Variants in DTNA observed in about 807,000 individuals in gnomAD.
The protein encoded by DTNA is dystrobrevin alpha.
Under a neutral mutation model 100.7 loss-of-function variants are expected in DTNA, and 43 were observed. The observed-to-expected ratio is 0.43, with a 90% CI of 0.33 to 0.55. The LOEUF (loss-of-function observed/expected upper bound fraction) is 0.55, where lower values mean the gene tolerates loss of function less well. DTNA is among the 20% of genes least tolerant of loss of function. DTNA has a pLI of 0.04. For missense variants in DTNA, 798 were observed against 953.9 expected (o/e 0.84, Z 2.15); for synonymous variants, 349 against 347.9 (o/e 1.00, Z -0.04).
At chr18:34,729,658 A>G (rs2087607489) in intron 1 of DTNA, among the ~76,000 whole-genome samples, 1 of 152,210 alleles carries the variant, frequency 6.6e-6, no homozygotes, top group Non-Finnish European at 1.5e-5. Context: ...GGCACATTCC[A>G]TATTGGGCAT....
intron 2 of DTNA, among the ~76,000 whole-genome samples, chr18:34,764,657 G>A (rs1264855951): frequency 1.4e-4 from 22 of 152,224 alleles, no homozygotes; most frequent in Admixed American, 1.4e-3. Flanking sequence ...TTGAAGAAAT[G>A]CTAAATCCCC....
chr18:34,519,048 T>C (rs1472028162), intron 1 of DTNA, among the ~76,000 whole-genome samples: 1 of 151,932 alleles, frequency 6.6e-6, no homozygotes, highest in East Asian at 1.9e-4. Context: ...AGAGAATGGT[T>C]TAGTGAGAAG....
intron 1 of DTNA, among the ~76,000 whole-genome samples, chr18:34,607,030 A>T (rs1203505412): frequency 6.6e-6 from 1 of 152,218 alleles, no homozygotes; most frequent in African/African-American, 2.4e-5. Flanking sequence ...GACTGAAGCC[A>T]TAGCTCAAAA....
At chr18:34,507,026 G>A (rs1353864672) in intron 1 of DTNA, among the ~76,000 whole-genome samples, 19 of 152,274 alleles carry the variant, frequency 1.2e-4, no homozygotes, top group Admixed American at 1.2e-3. Flanking sequence ...ACAGTTGACA[G>A]GTAAGTGGGA....
chr18:34,781,568 A>G (rs1350393949), intron 3 of DTNA, among the ~76,000 whole-genome samples: 1 of 152,082 alleles, frequency 6.6e-6, no homozygotes, highest in Non-Finnish European at 1.5e-5. Flanking sequence ...GACCTCACTC[A>G]AGATACCTAT....
chr18:34,597,497 GC>G (rs1370097663), intron 1 of DTNA, among the ~76,000 whole-genome samples: 30 of 152,176 alleles, frequency 2.0e-4, no homozygotes, highest in Admixed American at 1.7e-3. Flanking sequence ...ATACACACTT[GC>G]TGAAACCAAC....
upstream of DTNA, among the ~76,000 whole-genome samples, chr18:34,708,822 T>C (rs1378677118): frequency 6.6e-6 from 1 of 152,228 alleles, no homozygotes; most frequent in Non-Finnish European, 1.5e-5. Context: ...TTTAGTATGC[T>C]TCAAGCTTGG....
At chr18:34,789,336 A>G (rs1481938590) in intron 3 of DTNA, among the ~76,000 whole-genome samples, 1 of 152,218 alleles carries the variant, frequency 6.6e-6, no homozygotes, top group Non-Finnish European at 1.5e-5. Context: ...CAGAAATGAC[A>G]TTTTTAAGCT....
chr18:34,630,369 C>A, intron 1 of DTNA, among the ~76,000 whole-genome samples: 1 of 152,270 alleles, frequency 6.6e-6, no homozygotes, highest in Non-Finnish European at 1.5e-5. Context: ...ATAACTGATA[C>A]TAACTCTAAG....
chr18:34,887,775 A>G lies in DTNA; in HGVS notation c.*41A>G. 1 of 985,644 alleles carries G rather than the reference A, an allele frequency of 1.0e-6. No individual in the cohort carries two copies. The highest frequency in any genetic ancestry group is 1.2e-6 in the Non-Finnish European group (1 of 829,944). 61.1% of individuals were successfully genotyped at this position (985,644 alleles called of 1,614,324 possible). On this transcript the variant is annotated 3_prime_UTR_variant, in exon 23 of 23. Transcript: ENST00000444659. The stretch of plus-strand genomic sequence containing the variant: ...CATTCCTTATTCCCAGGCAAGCTAT[A>G]GTCAGACAGATGATGAAAGTAACAT...
intron 1 of DTNA, among the ~76,000 whole-genome samples, chr18:34,714,588 G>A (rs2083583160): frequency 6.7e-6 from 1 of 149,616 alleles, no homozygotes; most frequent in Non-Finnish European, 1.5e-5. Context: ...GAAACAACAG[G>A]TGCTGGAGAG....
At chr18:34,875,666 A>T (rs2096808614) in intron 18 of DTNA, among the ~76,000 whole-genome samples, 1 of 152,160 alleles carries the variant, frequency 6.6e-6, no homozygotes, top group Non-Finnish European at 1.5e-5. Context: ...TCTTTTCACC[A>T]ATACCCCCAG....
chr18:34,591,802 C>A (rs1439126), intron 1 of DTNA, among the ~76,000 whole-genome samples: 2 of 152,012 alleles, frequency 1.3e-5, no homozygotes, highest in African/African-American at 4.8e-5. Context: ...TAAAAGACAT[C>A]TAGTAACAAA....
At chr18:34,635,445 C>T (rs1346443705) in intron 1 of DTNA, among the ~76,000 whole-genome samples, 1 of 152,154 alleles carries the variant, frequency 6.6e-6, no homozygotes, top group Non-Finnish European at 1.5e-5. Flanking sequence ...CACTGTTTTT[C>T]ATAACAGCTG....
intron 10 of DTNA, chr18:34,829,159 C>A: frequency 6.2e-7 from 1 of 1,613,108 alleles, no homozygotes; most frequent in Non-Finnish European, 8.5e-7. Context: ...TACCCATTAA[C>A]CCAAAATATG....
chr18:34,547,651 G>A (rs1345046926), intron 1 of DTNA, among the ~76,000 whole-genome samples: 2 of 152,066 alleles, frequency 1.3e-5, no homozygotes, highest in African/African-American at 4.8e-5. Context: ...GAGTGAATTG[G>A]CTTCACTTTT....
At chr18:34,693,700 C>A (rs1270919718) in intron 1 of DTNA, among the ~76,000 whole-genome samples, 1 of 151,514 alleles carries the variant, frequency 6.6e-6, no homozygotes, top group East Asian at 1.9e-4. Context: ...GTGAGAAAAA[C>A]AGAAATGTCT....
intron 1 of DTNA, among the ~76,000 whole-genome samples, chr18:34,679,804 A>ATTG (rs1358998604): frequency 1.3e-5 from 2 of 152,128 alleles, no homozygotes; most frequent in East Asian, 3.8e-4. Context: ...TTGTTTATTT[A>ATTG]TTGTTATTAT....
chr18:34,655,397 G>A (rs369266726), intron 1 of DTNA, among the ~76,000 whole-genome samples: 1 of 152,096 alleles, frequency 6.6e-6, no homozygotes, highest in East Asian at 1.9e-4. Context: ...GCTCAAAGAT[G>A]CTAAGAATCC....
Sources: allele counts gnomAD v4.1 joint callset (sites outside exome capture counted in the v4.1 genomes callset), GRCh38; gene constraint gnomAD v4.1.1; transcripts MANE v1.5; gene names NCBI Gene and HGNC (gene_info 2026-07-23, HGNC 2026-07-21).